Variants in SFMBT1 observed in about 807,000 individuals in gnomAD.
SFMBT1 encodes the protein scm-like with four MBT domains protein 1.
In SFMBT1, 32 loss-of-function variants were observed where a neutral mutation model predicts 108.7. The observed-to-expected ratio is 0.29, with a 90% CI of 0.22 to 0.40. The LOEUF is 0.40. Ranked by LOEUF, SFMBT1 falls within the 10% of genes least tolerant of loss-of-function variation. SFMBT1 has a pLI of 1.00. For missense variants in SFMBT1, 816 were observed against 1,059.6 expected (o/e 0.77, Z 3.19); for synonymous variants, 348 against 369.5 (o/e 0.94, Z 0.67).
chr3:52,925,716 AT>A (rs1235078979), intron 10 of SFMBT1, among the ~76,000 whole-genome samples: 1 of 152,160 alleles, frequency 6.6e-6, no homozygotes, highest in Non-Finnish European at 1.5e-5. Flanking sequence ...AAGCTTAACA[AT>A]TTTTCTCCAC....
chr3:52,956,482 T>C (rs185907383), intron 2 of SFMBT1, among the ~76,000 whole-genome samples: 1 of 151,524 alleles, frequency 6.6e-6, no homozygotes, highest in East Asian at 2.0e-4. Flanking sequence ...TACAATAGGC[T>C]GGGTGCAGTG....
chr3:53,016,462 A>G (rs1330288668), intron 1 of SFMBT1, among the ~76,000 whole-genome samples: 1 of 152,244 alleles, frequency 6.6e-6, no homozygotes, highest in Non-Finnish European at 1.5e-5. Context: ...TAACAGCTCC[A>G]GTGGCTCTAC....
chr3:52,907,538 C>A lies in SFMBT1; in HGVS notation c.2085+17G>T. The A allele has an allele frequency of 6.2e-7, 1 of 1,606,160 alleles. No homozygotes were observed. Among genetic ancestry groups the A allele is most frequent in the Non-Finnish European group, 8.5e-7 (1 of 1,176,898 alleles). ...ACTTGGCTTCAAGACATTACAGGCA[C>A]ATCACAGATCTCATACCTGGGGAGA... is the stretch of plus-strand genomic sequence containing the variant. On this transcript the variant is annotated intron_variant, in intron 18 of 20. Coordinates refer to ENST00000394752, the MANE Select transcript of SFMBT1 (RefSeq NM_016329.4).
intron 1 of SFMBT1, among the ~76,000 whole-genome samples, chr3:52,984,629 G>T (rs1704837555): frequency 6.7e-6 from 1 of 150,118 alleles, no homozygotes; most frequent in African/African-American, 2.5e-5. Context: ...ATAATCTCAG[G>T]CATAAATAAT....
chr3:52,904,400 T>A lies in SFMBT1; in HGVS notation c.*736A>T, dbSNP rs548633836. 5 of 152,190 alleles carry A rather than the reference T, an allele frequency of 3.3e-5. No homozygotes were observed. Among genetic ancestry groups the A allele is most frequent in the Non-Finnish European group, 5.9e-5 (4 of 68,038 alleles). The allele number at this position is 152,190 out of a possible 1,614,324, so 9.4% of individuals were successfully genotyped here. A position where few individuals can be genotyped will look rare whatever the true frequency, so the allele number is the denominator to read the frequency against. Reference sequence around the variant, plus strand: ...AAGGAACTGGTGTAAGTGCCCCATATAATGTTTTTAAGAAAGCAAACAGTT... The same window carrying A: ...AAGGAACTGGTGTAAGTGCCCCATAAAATGTTTTTAAGAAAGCAAACAGTT... On this transcript the variant is annotated 3_prime_UTR_variant, in exon 21 of 21. Transcript: ENST00000394752.
At chr3:53,019,078 C>T (rs1014204473) in intron 1 of SFMBT1, 1 of 152,136 alleles carries the variant, frequency 6.6e-6, no homozygotes, top group African/African-American at 2.4e-5. Flanking sequence ...TTGCTTGAGC[C>T]CAGGAGCTTG....
intron 4 of SFMBT1, among the ~76,000 whole-genome samples, chr3:52,942,031 T>C (rs1559519760): frequency 1.3e-5 from 2 of 152,120 alleles, no homozygotes; most frequent in Non-Finnish European, 2.9e-5. Context: ...GGCAGGATAA[T>C]CACTTGAGCC....
intron 1 of SFMBT1, among the ~76,000 whole-genome samples, chr3:53,026,511 T>C (rs1699496777): frequency 7.0e-6 from 1 of 143,716 alleles, no homozygotes; most frequent in African/African-American, 2.6e-5. Context: ...GAATACAAAG[T>C]AAAAAGGCTG....
At chr3:52,974,833 T>TAAAA (rs10646648) in intron 1 of SFMBT1, among the ~76,000 whole-genome samples, 1,759 of 90,626 alleles carry the variant, frequency 0.019, 40 homozygotes, top group African/African-American at 0.052. Context: ...CTATAAAAAG[T>TAAAA]AAAAAAAAAA....
At chr3:53,029,996 GA>G (rs1037565148) in intron 1 of SFMBT1, among the ~76,000 whole-genome samples, 5 of 149,170 alleles carry the variant, frequency 3.4e-5, no homozygotes, top group East Asian at 2.0e-4. Flanking sequence ...TACTAACTTA[GA>G]AAAAAAAACC....
chr3:53,009,522 G>A (rs373322682), intron 1 of SFMBT1, among the ~76,000 whole-genome samples: 1 of 152,166 alleles, frequency 6.6e-6, no homozygotes, highest in East Asian at 1.9e-4. Flanking sequence ...AAGGGTGGGA[G>A]GAAATCTGGT....
chr3:52,914,763 A>G (rs1702304183), intron 14 of SFMBT1, among the ~76,000 whole-genome samples: 1 of 152,082 alleles, frequency 6.6e-6, no homozygotes, highest in Non-Finnish European at 1.5e-5. Context: ...CAAAACAAAA[A>G]AACGATGGTC....
rs1699032810 is a variant in SFMBT1 at position 53,013,696 on chromosome 3, T to C, written c.-131+32120A>G. Among the ~76,000 whole-genome samples, 2 of 124,896 alleles carry C rather than the reference T, an allele frequency of 1.6e-5. 1 individual carries two copies. The highest frequency in any genetic ancestry group is 6.3e-5 in the African/African-American group (2 of 31,936). 81.9% of individuals were successfully genotyped at this position (124,896 alleles called of 152,430 possible). ...CAGGCCGGAGTGCAATGGCGCAATC[T>C]CAGCTCACTGCAACCTCCGCCTCCT... On this transcript the variant is annotated intron_variant, in intron 1 of 20. Coordinates refer to ENST00000394752, the MANE Select transcript of SFMBT1 (RefSeq NM_016329.4).
At chr3:52,923,295 C>G (rs1702569281) in intron 10 of SFMBT1, among the ~76,000 whole-genome samples, 1 of 152,000 alleles carries the variant, frequency 6.6e-6, no homozygotes, top group Admixed American at 6.6e-5. Flanking sequence ...ATATTAAAAA[C>G]AAAGAAGTAC....
At chr3:53,005,120 CTTA>C (rs1374090501) in intron 1 of SFMBT1, among the ~76,000 whole-genome samples, 1 of 152,078 alleles carries the variant, frequency 6.6e-6, no homozygotes, top group Non-Finnish European at 1.5e-5. Flanking sequence ...ACAGCAAAAA[CTTA>C]TTCGAGATTA....
chr3:52,975,717 T>C (rs1197997028), intron 1 of SFMBT1, among the ~76,000 whole-genome samples: 1 of 152,172 alleles, frequency 6.6e-6, no homozygotes, highest in Non-Finnish European at 1.5e-5. Context: ...TTCTCGTGCC[T>C]TAGCCTCCTA....
intron 1 of SFMBT1, chr3:53,045,046 C>G (rs1444114003): frequency 6.6e-6 from 1 of 152,250 alleles, no homozygotes; most frequent in Non-Finnish European, 1.5e-5. Flanking sequence ...CCACAGCCTC[C>G]TTTTCAGCGT....
chr3:52,937,742 T>C (rs373889940), intron 4 of SFMBT1, among the ~76,000 whole-genome samples: 1 of 151,860 alleles, frequency 6.6e-6, no homozygotes. Flanking sequence ...ACCACTACGG[T>C]TGGCTAATTT....
At chr3:52,955,000 A>T (rs1382882252) in intron 2 of SFMBT1, among the ~76,000 whole-genome samples, 1 of 152,202 alleles carries the variant, frequency 6.6e-6, no homozygotes, top group African/African-American at 2.4e-5. Context: ...GACTAAATCA[A>T]CTAGAGAACC....
Sources: gnomAD v4.1 joint callset for allele counts (sites outside exome capture counted in the v4.1 genomes callset) on GRCh38, gnomAD v4.1.1 for gene constraint, MANE v1.5 for transcripts, NCBI Gene and HGNC (gene_info 2026-07-23, HGNC 2026-07-21) for gene names.